Variants in CIMAP1A observed in about 807,000 individuals in gnomAD.
CIMAP1A encodes the protein cancer/testis antigen 135.
the CIMAP1A span, chr11:198,695 C>G: frequency 5.3e-6 from 8 of 1,508,520 alleles, no homozygotes; most frequent in Middle Eastern, 1.8e-4. Context: ...CCCTCAGCCC[C>G]CTCAGCCCTT....
chr11:197,429 A>C, the CIMAP1A span: 1 of 1,598,018 alleles, frequency 6.3e-7, no homozygotes, highest in Non-Finnish European at 8.5e-7. Flanking sequence ...AGCCTGAGAG[A>C]CTGTGGGAGA....
At chr11:199,773 G>A in the CIMAP1A span, 31 of 1,441,442 alleles carry the variant, frequency 2.2e-5, 1 homozygote, top group Admixed American at 1.4e-4. Flanking sequence ...CTTTTCCCTA[G>A]ACACTGTGAC....
chr11:198,537 C>T, the CIMAP1A span: 8 of 1,612,772 alleles, frequency 5.0e-6, no homozygotes, highest in East Asian at 4.5e-5. Context: ...CCTCCTTTTC[C>T]ATCAAGGGCC....
chr11:198,789 G>C, the CIMAP1A span: 1 of 1,428,178 alleles, frequency 7.0e-7, no homozygotes, highest in South Asian at 1.5e-5. Flanking sequence ...GAGACGCCCT[G>C]GCCCCAGCAT....
the CIMAP1A span, chr11:199,689 CCT>C: frequency 7.0e-7 from 1 of 1,435,884 alleles, no homozygotes; most frequent in Non-Finnish European, 9.1e-7. Context: ...GCACCTGCAC[CCT>C]GAGGACCCTG....
the CIMAP1A span, chr11:197,023 G>A: frequency 7.6e-6 from 2 of 263,090 alleles, no homozygotes; most frequent in South Asian, 1.1e-4. Flanking sequence ...CCGGCCCAGG[G>A]CTCCCTTAGA....
the CIMAP1A span, chr11:197,036 C>T: frequency 2.4e-5 from 7 of 295,696 alleles, no homozygotes; most frequent in East Asian, 2.1e-4. Context: ...CCCTTAGAGC[C>T]GAGAACAGTG....
chr11:198,255 T>G, the CIMAP1A span: 1 of 1,614,022 alleles, frequency 6.2e-7, no homozygotes, highest in Non-Finnish European at 8.5e-7. Context: ...ACCCAGCCAC[T>G]CCATCTCTGC....
chr11:197,518 G>A, the CIMAP1A span: 2 of 1,602,700 alleles, frequency 1.2e-6, no homozygotes, highest in African/African-American at 1.3e-5. Context: ...GGGGAGAAGG[G>A]CAGGTCAGGC....
At chr11:199,671 G>GGGGGGGGGA in the CIMAP1A span, 1 of 760,592 alleles carries the variant, frequency 1.3e-6, no homozygotes, top group Non-Finnish European at 1.8e-6. Flanking sequence ...GTGGGGTGGG[G>GGGGGGGGGA]ATGGGAGGCA....
At chr11:200,098 G>C in the CIMAP1A span, 3 of 1,560,390 alleles carry the variant, frequency 1.9e-6, no homozygotes, top group African/African-American at 4.1e-5. Context: ...CACAGAGCTC[G>C]AGGCTGTCTT....
chr11:198,335 G>A, the CIMAP1A span: 1 of 1,613,624 alleles, frequency 6.2e-7, no homozygotes, highest in African/African-American at 1.3e-5. Context: ...CAGCCAAATG[G>A]ACCTGGGGAT....
chr11:199,400 A>C, the CIMAP1A span: 1 of 1,575,366 alleles, frequency 6.3e-7, no homozygotes, highest in Non-Finnish European at 8.6e-7. Flanking sequence ...CGCCAAACTG[A>C]TGTGCGGGTG....
At chr11:197,315 A>C in the CIMAP1A span, 1 of 1,580,164 alleles carries the variant, frequency 6.3e-7, no homozygotes, top group East Asian at 2.3e-5. Flanking sequence ...ATGACGGAGG[A>C]GGTATGGATG....
chr11:199,428 G>A, the CIMAP1A span: 57 of 1,572,150 alleles, frequency 3.6e-5, no homozygotes, highest in East Asian at 3.3e-4. Flanking sequence ...TCAAGGCTCC[G>A]CAGTACACCA....
the CIMAP1A span, chr11:199,671 G>GGGGGC: frequency 2.6e-6 from 2 of 760,586 alleles, no homozygotes; most frequent in Non-Finnish European, 3.7e-6. Context: ...GTGGGGTGGG[G>GGGGGC]ATGGGAGGCA....
chr11:199,295 G>A, the CIMAP1A span: 2 of 1,534,100 alleles, frequency 1.3e-6, no homozygotes, highest in Middle Eastern at 1.7e-4. Context: ...CTCAGAGCCT[G>A]AGTTTGCTCC....
the CIMAP1A span, chr11:199,237 G>A: frequency 6.8e-7 from 1 of 1,480,776 alleles, no homozygotes; most frequent in Non-Finnish European, 9.0e-7. Context: ...ACAGAAGACA[G>A]AAGGGGACCT....
the CIMAP1A span, chr11:199,177 C>A: frequency 7.0e-7 from 1 of 1,424,462 alleles, no homozygotes; most frequent in African/African-American, 1.4e-5. Context: ...GAGGAAGTGA[C>A]CCCCACATGA....
Sources: gnomAD v4.1 joint callset for allele counts on GRCh38, gnomAD v4.1.1 for gene constraint, MANE v1.5 for transcripts, NCBI Gene and HGNC (gene_info 2026-07-23, HGNC 2026-07-21) for gene names.